The following JMJD1C variants were observed in gnomAD, a reference collection of about 807,000 sequenced individuals.
The protein encoded by JMJD1C is jumonji domain containing 1C, also known as jumonji domain-containing protein 1C.
Under a neutral mutation model 245.3 loss-of-function variants are expected in JMJD1C, and 31 were observed. That is an observed-to-expected ratio of 0.13 (90% CI 0.09 to 0.17). The LOEUF (loss-of-function observed/expected upper bound fraction) is 0.17, where lower values mean the gene tolerates loss of function less well. Among genes scored for constraint, JMJD1C ranks in the 10% least tolerant of loss-of-function variants. The pLI, the probability that JMJD1C is intolerant of heterozygous loss-of-function variation, is 1.00. For synonymous variants in JMJD1C, 1,057 were observed against 1,017.4 expected, an observed-to-expected ratio of 1.04 and a Z score of -0.74; for missense variants, 2,691 against 3,000.2, an observed-to-expected ratio of 0.90 and a Z score of 2.41.
rs142221207 is a variant in JMJD1C, at chr10:63,170,365, G to T, written c.7402-1799C>A. Among the ~76,000 whole-genome samples the T allele has an allele frequency of 3.2e-3, 490 of 152,216 alleles. 3 individuals are homozygous for T. Among genetic ancestry groups the T allele is most frequent in the African/African-American group, 0.011 (475 of 41,530 alleles). ...AAACTGGGCATCTGAACATTACAAT[G>T]GGTAATCATATTCTCTCCCTGCCTC... On this transcript the variant is annotated intron_variant, in intron 24 of 25. Transcript: ENST00000399262.
At chr10:63,295,261 AT>A (rs5785568) in intron 2 of JMJD1C, among the ~76,000 whole-genome samples, 113,979 of 138,710 alleles carry the variant, frequency 0.82, 47,001 homozygotes, top group African/African-American at 0.89. Context: ...TGCCCAACTA[AT>A]TTTTTTTTTT....
intron 2 of JMJD1C, among the ~76,000 whole-genome samples, chr10:63,285,093 T>A (rs1857837564): frequency 6.6e-6 from 1 of 152,128 alleles, no homozygotes; most frequent in African/African-American, 2.4e-5. Flanking sequence ...AGCACCACTG[T>A]CACAACCAGT....
At chr10:63,429,331 G>A (rs1488170425) in intron 1 of JMJD1C, among the ~76,000 whole-genome samples, 1 of 151,770 alleles carries the variant, frequency 6.6e-6, no homozygotes, top group Non-Finnish European at 1.5e-5. Flanking sequence ...GTTGCCTCAG[G>A]ATCTGAGAAC....
chr10:63,470,606 G>A (rs1161470872), upstream of JMJD1C, among the ~76,000 whole-genome samples: 1 of 152,144 alleles, frequency 6.6e-6, no homozygotes, highest in East Asian at 1.9e-4. Flanking sequence ...TCCTATGAGT[G>A]TATATCCAAA....
At chr10:63,219,058 G>A (rs1227481108) in intron 4 of JMJD1C, among the ~76,000 whole-genome samples, 1 of 152,102 alleles carries the variant, frequency 6.6e-6, no homozygotes. Flanking sequence ...GTTGGGGCTG[G>A]GAGAGAGGTG....
chr10:63,450,104 C>A (rs1271564525), intron 1 of JMJD1C, among the ~76,000 whole-genome samples: 2 of 151,742 alleles, frequency 1.3e-5, no homozygotes, highest in African/African-American at 2.4e-5. Flanking sequence ...CAGAGTGAGA[C>A]CCTGTCTCAA....
chr10:63,274,458 A>G (rs896441722), intron 2 of JMJD1C, among the ~76,000 whole-genome samples: 21 of 151,976 alleles, frequency 1.4e-4, no homozygotes, highest in African/African-American at 5.1e-4. Context: ...CCAGCTACTC[A>G]GGAGGCTGAG....
chr10:63,459,365 T>A (rs979021881), intron 1 of JMJD1C, among the ~76,000 whole-genome samples: 2 of 152,068 alleles, frequency 1.3e-5, no homozygotes, highest in African/African-American at 4.8e-5. Flanking sequence ...TAAACTAGGG[T>A]TTATGATATA....
intron 1 of JMJD1C, among the ~76,000 whole-genome samples, chr10:63,512,181 C>G (rs746117411): frequency 1.1e-4 from 16 of 152,108 alleles, no homozygotes; most frequent in Middle Eastern, 3.2e-3. Flanking sequence ...TACATGGTCA[C>G]TATTATTATT....
intron 2 of JMJD1C, among the ~76,000 whole-genome samples, chr10:63,293,896 G>A (rs546807700): frequency 6.6e-6 from 1 of 151,870 alleles, no homozygotes; most frequent in East Asian, 1.9e-4. Context: ...ATCAACTTAT[G>A]GCTCTAAGTA....
At chr10:63,215,758 A>G (rs1286034175) in intron 5 of JMJD1C, 62 bp from the exon 6 acceptor site, 6 of 1,170,110 alleles carry the variant, frequency 5.1e-6, no homozygotes, top group Middle Eastern at 2.3e-4. Flanking sequence ...AATATTTGGT[A>G]TAATTTCTTT....
chr10:63,419,864 G>A (rs991707435), intron 1 of JMJD1C, among the ~76,000 whole-genome samples: 57 of 148,464 alleles, frequency 3.8e-4, no homozygotes, highest in African/African-American at 1.2e-3. Flanking sequence ...AAGGCCAGGC[G>A]CGGTGGCTCA....
intron 1 of JMJD1C, among the ~76,000 whole-genome samples, chr10:63,388,424 A>G (rs118124354): frequency 4.6e-5 from 7 of 152,310 alleles, no homozygotes; most frequent in Non-Finnish European, 1.0e-4. Context: ...AGTCTTTCCT[A>G]AACAAGTAAA....
In JMJD1C at chr10:63,504,815, A is replaced by C. The variant is rs1466633782; in HGVS notation, n.113+16923T>G. On this transcript the variant is annotated intron_variant and non_coding_transcript_variant, in intron 1 of 3. Transcript: ENST00000633035. ...CAGCACACTTGAGGCCAGGAGTTCA[A>C]CACCACCCCAGGCAACAAAACAAGA... 3.9e-5 allele frequency among the ~76,000 whole-genome samples: 6 copies of C among 152,160 alleles called. No individual in the cohort carries two copies. The East Asian group carries it at 5.8e-4, about 15-fold the overall frequency.
At chr10:63,375,972 T>C (rs1298576294) in intron 2 of JMJD1C, among the ~76,000 whole-genome samples, 2 of 152,112 alleles carry the variant, frequency 1.3e-5, no homozygotes, top group African/African-American at 4.8e-5. Flanking sequence ...CAAGGGACCC[T>C]GAATAACCAA....
intron 3 of JMJD1C, among the ~76,000 whole-genome samples, chr10:63,258,915 G>A (rs183204554): frequency 1.1e-3 from 162 of 152,238 alleles, no homozygotes; most frequent in Non-Finnish European, 1.6e-3. Flanking sequence ...ATGATACCAC[G>A]AAAATGACAA....
intron 2 of JMJD1C, among the ~76,000 whole-genome samples, chr10:63,293,964 C>T (rs1859083252): frequency 6.6e-6 from 1 of 152,116 alleles, no homozygotes; most frequent in Admixed American, 6.6e-5. Context: ...TTCCCATGTA[C>T]TAATTCAGTT....
At chr10:63,333,841 T>G (rs992126437) in intron 2 of JMJD1C, among the ~76,000 whole-genome samples, 2 of 152,218 alleles carry the variant, frequency 1.3e-5, no homozygotes, top group Non-Finnish European at 2.9e-5. Flanking sequence ...TCATTTCACC[T>G]TGATATAATT....
At chr10:63,481,090 T>C (rs974702198) in intron 1 of JMJD1C, among the ~76,000 whole-genome samples, 4 of 152,206 alleles carry the variant, frequency 2.6e-5, no homozygotes, top group African/African-American at 9.7e-5. Context: ...TCCTCAAATG[T>C]TTTTACTAAA....
Sources: gnomAD v4.1 joint callset for allele counts (sites outside exome capture counted in the v4.1 genomes callset) on GRCh38, gnomAD v4.1.1 for gene constraint, MANE v1.5 for transcripts, NCBI Gene and HGNC (gene_info 2026-07-23, HGNC 2026-07-21) for gene names.